The following ARL8B variants were observed in gnomAD, a reference collection of about 807,000 sequenced individuals.
ARL8B encodes ADP-ribosylation factor-like protein 8B.
ARL8B carries 9 observed loss-of-function variants against 30.6 expected under a neutral mutation model. The ratio of observed to expected loss-of-function variants is 0.29; its 90% CI spans 0.18 to 0.51. The LOEUF (loss-of-function observed/expected upper bound fraction) is 0.51. Among genes scored for constraint, ARL8B ranks in the 20% least tolerant of loss-of-function variants. The probability of loss-of-function intolerance (pLI) is 0.97; values close to 1 mark genes in which losing one functional copy is unlikely to be tolerated. For missense variants in ARL8B, 130 were observed against 227.2 expected (o/e 0.57, Z 2.75); for synonymous variants, 74 against 76.0 (o/e 0.97, Z 0.14).
chr3:5,141,600 A>T (rs946823379), intron 1 of ARL8B, among the ~76,000 whole-genome samples: 2 of 152,120 alleles, frequency 1.3e-5, no homozygotes, highest in African/African-American at 4.8e-5. Context: ...CATTTAGCCA[A>T]CCCGTAAATG....
Position 5,172,185 on chromosome 3 carries a change from C to T in ARL8B, c.240C>T (p.Ser80=). 2 of 1,613,584 alleles carry T rather than the reference C, an allele frequency of 1.2e-6. No homozygotes were observed. The highest frequency in any genetic ancestry group is 1.7e-6 in the Non-Finnish European group (2 of 1,179,718). ...WDIGGQPRFR[S]MWERYCRGVN... ...TAGGAGGACAACCCCGATTTCGAAG[C>T]ATGTGGGAGCGGTATTGCAGAGGAG... is the stretch of plus-strand genomic sequence containing the variant. Residue 80 remains serine (S), a synonymous_variant, in exon 3 of 7, where the codon AGC becomes AGT. Transcript: ENST00000256496.
At chr3:5,126,312 G>T (rs62253635) in intron 1 of ARL8B, among the ~76,000 whole-genome samples, 54,090 of 151,946 alleles carry the variant, frequency 0.36, 10,549 homozygotes, top group African/African-American at 0.54. Flanking sequence ...ATATAAAATA[G>T]TTGCTTTATA....
chr3:5,160,945 C>T (rs1443610631), intron 1 of ARL8B, among the ~76,000 whole-genome samples: 2 of 152,124 alleles, frequency 1.3e-5, no homozygotes, highest in African/African-American at 4.8e-5. Flanking sequence ...GCTTTGTCCC[C>T]CAGGTGTCTG....
At chr3:5,146,490 A>T (rs767097843) in intron 1 of ARL8B, among the ~76,000 whole-genome samples, 92 of 152,104 alleles carry the variant, frequency 6.0e-4, no homozygotes, top group Non-Finnish European at 9.3e-4. Flanking sequence ...TAGAAATGGG[A>T]TATTGTTTTC....
intron 1 of ARL8B, among the ~76,000 whole-genome samples, chr3:5,136,585 C>G (rs2054327530): frequency 6.6e-6 from 1 of 152,166 alleles, no homozygotes; most frequent in Admixed American, 6.6e-5. Flanking sequence ...ACTCTACTAG[C>G]TGTTAGTACT....
At chr3:5,135,060 G>C (rs564622071) in intron 1 of ARL8B, among the ~76,000 whole-genome samples, 19 of 152,218 alleles carry the variant, frequency 1.2e-4, no homozygotes, top group Non-Finnish European at 2.2e-4. Flanking sequence ...TGTTGGCCAG[G>C]CTGGTTTCAA....
At chr3:5,145,172 C>CT (rs1310666496) in intron 1 of ARL8B, among the ~76,000 whole-genome samples, 1 of 152,104 alleles carries the variant, frequency 6.6e-6, no homozygotes, top group Non-Finnish European at 1.5e-5. Flanking sequence ...TCAGGTTTAG[C>CT]TTTGATTTTG....
At chr3:5,178,609 G>A in intron 6 of ARL8B, 55 bp from the exon 7 acceptor site, 1 of 1,541,084 alleles carries the variant, frequency 6.5e-7, no homozygotes, top group Non-Finnish European at 8.9e-7. Flanking sequence ...TATTGTCTCT[G>A]TTTGATGTTT....
At position 5,122,595 on chromosome 3, in the gene ARL8B, G is replaced by A; in HGVS notation, c.123+7G>A. The A allele has an allele frequency of 6.3e-7, 1 of 1,594,810 alleles. No individual in the cohort carries two copies. The highest frequency in any genetic ancestry group is 1.1e-5 in the South Asian group (1 of 89,264). On this transcript the variant is annotated splice_region_variant and intron_variant, in intron 1 of 6. Coordinates refer to ENST00000256496, the MANE Select transcript of ARL8B (RefSeq NM_018184.3). ...CTTCGTCAATGTCATCGCGGTGAGCGCCCGCCCACTCACTCGCCCGGGGCT... is the reference window on the plus strand; with the variant it reads ...CTTCGTCAATGTCATCGCGGTGAGCACCCGCCCACTCACTCGCCCGGGGCT...
At chr3:5,178,598 A>G (rs1208553817) in intron 6 of ARL8B, 66 bp from the exon 7 acceptor site, 1 of 1,496,510 alleles carries the variant, frequency 6.7e-7, no homozygotes, top group African/African-American at 1.4e-5. Context: ...TGCCTTTTAA[A>G]TATTGTCTCT....
intron 1 of ARL8B, among the ~76,000 whole-genome samples, chr3:5,143,856 G>A (rs2054397090): frequency 6.6e-6 from 1 of 152,208 alleles, no homozygotes; most frequent in African/African-American, 2.4e-5. Flanking sequence ...AGGAAGATCT[G>A]TAGCTCTGCC....
intron 6 of ARL8B, among the ~76,000 whole-genome samples, chr3:5,176,931 C>G (rs1203202038): frequency 1.3e-5 from 2 of 152,030 alleles, no homozygotes; most frequent in Non-Finnish European, 2.9e-5. Context: ...GGGTAGATAC[C>G]AGAAATGTAG....
chr3:5,171,618 G>C (rs920354263), intron 2 of ARL8B, among the ~76,000 whole-genome samples: 3 of 152,210 alleles, frequency 2.0e-5, no homozygotes, highest in Non-Finnish European at 2.9e-5. Context: ...AAAGTGCTGG[G>C]ATTATAGGTG....
intron 1 of ARL8B, among the ~76,000 whole-genome samples, chr3:5,152,660 A>AT (rs1169514383): frequency 6.6e-6 from 1 of 152,128 alleles, no homozygotes; most frequent in African/African-American, 2.4e-5. Flanking sequence ...TAATTTTTAA[A>AT]TTTTTTGTAG....
chr3:5,163,326 T>A (rs1053406245), intron 1 of ARL8B, among the ~76,000 whole-genome samples: 5 of 152,200 alleles, frequency 3.3e-5, no homozygotes, highest in Admixed American at 6.5e-5. Flanking sequence ...TTTTTGGTTT[T>A]CTGCTTCTGT....
intron 6 of ARL8B, among the ~76,000 whole-genome samples, chr3:5,178,151 C>G (rs929643971): frequency 6.6e-6 from 1 of 152,240 alleles, no homozygotes; most frequent in African/African-American, 2.4e-5. Flanking sequence ...AGCCTCCTCT[C>G]CCATCCCTGT....
chr3:5,159,926 C>T (rs770847829), intron 1 of ARL8B, among the ~76,000 whole-genome samples: 13 of 151,958 alleles, frequency 8.6e-5, no homozygotes, highest in African/African-American at 1.7e-4. Flanking sequence ...ATGTTAGAAA[C>T]GCAAACATTC....
chr3:5,137,268 A>T (rs2054335337), intron 1 of ARL8B, among the ~76,000 whole-genome samples: 1 of 151,762 alleles, frequency 6.6e-6, no homozygotes, highest in African/African-American at 2.4e-5. Context: ...TTGATGTGAT[A>T]TTCGGGGGTT....
chr3:5,125,242 C>T (rs1006928770), intron 1 of ARL8B, among the ~76,000 whole-genome samples: 1 of 152,106 alleles, frequency 6.6e-6, no homozygotes, highest in Admixed American at 6.6e-5. Context: ...TACTGGCCCA[C>T]AGAAGGGGAT....
Sources: allele counts gnomAD v4.1 joint callset (sites outside exome capture counted in the v4.1 genomes callset), GRCh38; gene constraint gnomAD v4.1.1; transcripts MANE v1.5; gene names NCBI Gene and HGNC (gene_info 2026-07-23, HGNC 2026-07-21).